Variants in TEK observed in about 807,000 individuals in gnomAD.
TEK encodes the protein TEK receptor tyrosine kinase, also known as angiopoietin-1 receptor.
A neutral mutation model predicts 131.8 loss-of-function variants in TEK; 43 were observed. That is an observed-to-expected ratio of 0.33 (90% confidence interval 0.26 to 0.42). The LOEUF is 0.42. Ranked by LOEUF, TEK falls within the 10% of genes least tolerant of loss-of-function variation. The pLI, the probability that TEK is intolerant of heterozygous loss-of-function variation, is 1.00. For missense variants in TEK, 1,162 were observed against 1,384.4 expected (o/e 0.84, Z 2.55); for synonymous variants, 580 against 491.6 (o/e 1.18, Z -2.38).
intron 1 of TEK, among the ~76,000 whole-genome samples, chr9:27,113,168 A>G (rs1366131173): frequency 6.6e-6 from 1 of 152,228 alleles, no homozygotes; most frequent in Non-Finnish European, 1.5e-5. Context: ...ACCATAAGCA[A>G]GTTATTTAAT....
intron 12 of TEK, among the ~76,000 whole-genome samples, chr9:27,199,769 A>T (rs935583395): frequency 1.3e-4 from 20 of 152,162 alleles, no homozygotes; most frequent in Non-Finnish European, 2.9e-5. Context: ...TGTGTAATCT[A>T]AATACTTTGT....
chr9:27,220,034 C>T lies in TEK; in HGVS notation c.3104-15C>T. The T allele has an allele frequency of 1.9e-6, 3 of 1,613,488 alleles. No homozygotes were observed. Among genetic ancestry groups the T allele is most frequent in the South Asian group, 1.1e-5 (1 of 91,072 alleles). On this transcript the variant is annotated splice_polypyrimidine_tract_variant and intron_variant, in intron 20 of 22. Transcript: ENST00000380036. ...ATGCCAGAGAGGACTTAGAGTGGCA[C>T]TGTTTGTCTTCCAGGAGGCACACCC...
At chr9:27,179,414 A>G (rs1402581203) in intron 6 of TEK, among the ~76,000 whole-genome samples, 3 of 152,190 alleles carry the variant, frequency 2.0e-5, no homozygotes. Flanking sequence ...ATTCTTGTCT[A>G]TTCCAACATC....
intron 12 of TEK, 103 bp from the exon 13 acceptor site, chr9:27,202,717 T>A: frequency 8.0e-7 from 1 of 1,255,854 alleles, no homozygotes. Context: ...GAGAAAACAT[T>A]TGTTTGCCTT....
At chr9:27,168,427 A>G (rs45561035) in intron 2 of TEK, 68 bp from the exon 3 acceptor site, 30,705 of 1,281,356 alleles carry the variant, frequency 0.024, 465 homozygotes, top group Non-Finnish European at 0.03. Flanking sequence ...TCTGAGTCTC[A>G]AAGCTCAATT....
chr9:27,222,510 G>A (rs1254578765), intron 21 of TEK, among the ~76,000 whole-genome samples: 1 of 152,184 alleles, frequency 6.6e-6, no homozygotes, highest in Non-Finnish European at 1.5e-5. Flanking sequence ...ACTAACAGTA[G>A]ACCTCTCTGT....
At chr9:27,152,786 G>A (rs1823179075) in intron 1 of TEK, among the ~76,000 whole-genome samples, 1 of 152,064 alleles carries the variant, frequency 6.6e-6, no homozygotes. Context: ...AATTTCTAAT[G>A]TAATTAAATT....
chr9:27,222,896 C>CAT (rs1826145273), intron 21 of TEK, among the ~76,000 whole-genome samples: 1 of 152,018 alleles, frequency 6.6e-6, no homozygotes, highest in African/African-American at 2.4e-5. Flanking sequence ...CAAAGATACA[C>CAT]ATAGGCTCAA....
At chr9:27,156,328 A>G (rs1403509496) in intron 1 of TEK, among the ~76,000 whole-genome samples, 1 of 152,130 alleles carries the variant, frequency 6.6e-6, no homozygotes, top group African/African-American at 2.4e-5. Flanking sequence ...GGAGTTTATC[A>G]TTTAGAGGGA....
At chr9:27,112,589 G>A (rs1821389449) in intron 1 of TEK, among the ~76,000 whole-genome samples, 1 of 152,218 alleles carries the variant, frequency 6.6e-6, no homozygotes, top group Non-Finnish European at 1.5e-5. Flanking sequence ...AAGACTATGT[G>A]ATGTTCTCTG....
At chr9:27,156,539 C>G (rs750403302) in intron 1 of TEK, among the ~76,000 whole-genome samples, 1 of 151,864 alleles carries the variant, frequency 6.6e-6, no homozygotes, top group African/African-American at 2.4e-5. Flanking sequence ...ACATTCCAGG[C>G]AGAAGGAACA....
chr9:27,145,699 T>A (rs1192758758), intron 1 of TEK, among the ~76,000 whole-genome samples: 1 of 152,236 alleles, frequency 6.6e-6, no homozygotes, highest in Admixed American at 6.5e-5. Flanking sequence ...TACTTTCAGT[T>A]ACTGCTAGAA....
chr9:27,133,338 C>G (rs1480194689), intron 1 of TEK, among the ~76,000 whole-genome samples: 1 of 152,196 alleles, frequency 6.6e-6, no homozygotes, highest in African/African-American at 2.4e-5. Context: ...TTTCTGGCAT[C>G]AAAAGGGCAT....
chr9:27,224,718 G>A (rs1020008520), intron 21 of TEK, among the ~76,000 whole-genome samples: 55 of 152,146 alleles, frequency 3.6e-4, no homozygotes, highest in East Asian at 9.7e-4. Flanking sequence ...GCCCTCTCTC[G>A]CCCCTCCTGT....
At chr9:27,180,574 A>T (rs1209418369) in intron 7 of TEK, among the ~76,000 whole-genome samples, 1 of 152,176 alleles carries the variant, frequency 6.6e-6, no homozygotes, top group Non-Finnish European at 1.5e-5. Context: ...TTGTCTTTGC[A>T]CTAGGCATAA....
intron 16 of TEK, among the ~76,000 whole-genome samples, chr9:27,211,037 G>A (rs949199699): frequency 8.6e-5 from 13 of 151,808 alleles, no homozygotes; most frequent in Admixed American, 1.3e-4. Flanking sequence ...CAGGAGAATC[G>A]CTTGAACCTG....
intron 1 of TEK, among the ~76,000 whole-genome samples, chr9:27,154,379 G>T (rs531419842): frequency 6.6e-6 from 1 of 152,158 alleles, no homozygotes; most frequent in Non-Finnish European, 1.5e-5. Flanking sequence ...GAGCCACCGC[G>T]CCCAGCCTCC....
chr9:27,167,222 CTTATT>C (rs201897025), intron 2 of TEK, among the ~76,000 whole-genome samples: 1 of 147,746 alleles, frequency 6.8e-6, no homozygotes, highest in Non-Finnish European at 1.5e-5. Flanking sequence ...AATCAATTGG[CTTATT>C]TTATTTTATT....
chr9:27,172,669 A>G lies in TEK; in HGVS notation c.682A>G (p.Met228Val), dbSNP rs758337448. 22 of 1,613,666 alleles carry G rather than the reference A, an allele frequency of 1.4e-5. No individual in the cohort carries two copies. The East Asian group carries it at 3.3e-4, about 25-fold the overall frequency. ...PECNHLCTAC[M>V]NNGVCHEDTG... ...ATGCAACCATCTCTGTACTGCTTGT[A>G]TGAACAATGGTGTCTGCCATGAAGA... The change falls in exon 5 of 23, where the codon ATG (methionine) becomes GTG (valine). Residue 228 changes from methionine (M) to valine (V), a missense_variant. By Grantham distance (21) the Met-to-Val change is conservative. Around this residue, in one of 6 missense-constraint regions of TEK, gnomAD observed 436 missense variants for 539.1 expected, o/e 0.81. Coordinates refer to ENST00000380036, the MANE Select transcript of TEK (RefSeq NM_000459.5).
Sources: allele counts gnomAD v4.1 joint callset (sites outside exome capture counted in the v4.1 genomes callset), GRCh38; gene constraint gnomAD v4.1.1; regional missense constraint gnomAD v4.1.1; transcripts MANE v1.5; gene names NCBI Gene and HGNC (gene_info 2026-07-23, HGNC 2026-07-21).